DLGAP3: variants seen among roughly 807,000 people sequenced by gnomAD.
DLGAP3 encodes disks large-associated protein 3.
Under a neutral mutation model 81.2 loss-of-function variants are expected in DLGAP3, and 17 were observed. That is an observed-to-expected ratio of 0.21 (90% CI 0.14 to 0.31). DLGAP3 has a LOEUF of 0.31. DLGAP3 is among the 10% of genes least tolerant of loss of function. DLGAP3 has a pLI of 1.00. For missense variants in DLGAP3, 1,124 were observed against 1,388.0 expected, an observed-to-expected ratio of 0.81 and a Z score of 3.02; for synonymous variants, 577 against 587.4, an observed-to-expected ratio of 0.98 and a Z score of 0.26.
intron 1 of DLGAP3, among the ~76,000 whole-genome samples, chr1:34,918,212 C>G (rs906189096): frequency 1.3e-5 from 2 of 152,214 alleles, no homozygotes; most frequent in Non-Finnish European, 2.9e-5. Flanking sequence ...CTTGGGAAGA[C>G]AGCCTGCCAC....
chr1:34,905,321 C>T lies in DLGAP3; in HGVS notation c.63G>A (p.Gln21=), dbSNP rs375760508. 2,150 of 1,563,368 alleles carry T rather than the reference C, an allele frequency of 1.4e-3. 3 individuals are homozygous for T. Among genetic ancestry groups the T allele is most frequent in the Non-Finnish European group, 1.6e-3 (1,846 of 1,153,588 alleles). ...HPRPARFADQ[Q]HMDVGPAARA... ...TGGCAGCAGGGCCCACGTCCATATG[C>T]TGTTGGTCAGCAAAGCGGGCTGGGC... is the stretch of plus-strand genomic sequence containing the variant. The change falls in exon 3 of 12, where the codon CAG becomes CAA. Residue 21 remains glutamine (Q), a synonymous_variant. Transcript: ENST00000373347.
intron 1 of DLGAP3, among the ~76,000 whole-genome samples, chr1:34,923,381 A>C (rs1195635692): frequency 2.0e-5 from 3 of 152,148 alleles, no homozygotes; most frequent in Admixed American, 6.5e-5. Context: ...AAAAATGTAA[A>C]GGTGGTGACC....
intron 1 of DLGAP3, among the ~76,000 whole-genome samples, chr1:34,918,951 T>C (rs549013594): frequency 2.0e-5 from 3 of 152,160 alleles, no homozygotes; most frequent in Non-Finnish European, 4.4e-5. Flanking sequence ...GCCCCTCCCA[T>C]CCTCGTGTCT....
At chr1:34,923,085 C>A (rs892880349) in intron 1 of DLGAP3, among the ~76,000 whole-genome samples, 30 of 152,010 alleles carry the variant, frequency 2.0e-4, no homozygotes, top group Admixed American at 2.6e-4. Context: ...AGACAATCCC[C>A]CCGTATATGC....
At chr1:34,927,157 C>G (rs1274712258) in intron 1 of DLGAP3, among the ~76,000 whole-genome samples, 2 of 152,196 alleles carry the variant, frequency 1.3e-5, no homozygotes, top group African/African-American at 4.8e-5. Flanking sequence ...ATCTGTAGCG[C>G]CCTCTCTTTG....
At chr1:34,880,483 G>A (rs1319597999) in intron 8 of DLGAP3, among the ~76,000 whole-genome samples, 1 of 152,082 alleles carries the variant, frequency 6.6e-6, no homozygotes, top group Non-Finnish European at 1.5e-5. Flanking sequence ...GTAATCCCAG[G>A]ACTTTGGGAG....
chr1:34,872,933 A>C (rs1639001794), intron 8 of DLGAP3, among the ~76,000 whole-genome samples: 1 of 152,256 alleles, frequency 6.6e-6, no homozygotes, highest in Admixed American at 6.5e-5. Flanking sequence ...ATTTGTGATA[A>C]TGTTTCAGCA....
chr1:34,927,106 C>T (rs907872042), intron 1 of DLGAP3, among the ~76,000 whole-genome samples: 65 of 152,172 alleles, frequency 4.3e-4, no homozygotes, highest in Admixed American at 4.6e-4. Context: ...CATGGCCTAC[C>T]TCGGTGGTGG....
chr1:34,890,871 A>G (rs1448408058), intron 5 of DLGAP3, among the ~76,000 whole-genome samples: 2 of 152,256 alleles, frequency 1.3e-5, no homozygotes, highest in Non-Finnish European at 2.9e-5. Flanking sequence ...TAAAGATACT[A>G]CATTTGGGGA....
intron 8 of DLGAP3, among the ~76,000 whole-genome samples, 194 bp from the exon 9 acceptor site, chr1:34,869,283 A>G (rs1251801466): frequency 6.6e-6 from 1 of 152,092 alleles, no homozygotes; most frequent in African/African-American, 2.4e-5. Context: ...CTGCCTCTAG[A>G]TAGGGGTGAT....
Position 34,886,284 on chromosome 1 carries a change from A to G in DLGAP3, c.1388T>C (p.Leu463Pro). ...GYSRSLTTGQ[L>P]SDELNQQLEA... ...CAGCTGCTGGTTCAACTCATCGCTG[A>G]GCTGGGGGGCAGGGGGTCGGGAGGA... Residue 463 changes from leucine (L) to proline (P), a missense_variant and splice_region_variant, in exon 6 of 12, where the codon CTC (leucine) becomes CCC (proline). This residue lies in a region of DLGAP3 where 357 missense variants were observed against 408.8 expected (regional missense o/e 0.87). Coordinates refer to ENST00000373347, the MANE Select transcript of DLGAP3 (RefSeq NM_001080418.3). The G allele has an allele frequency of 1.9e-6, 3 of 1,587,110 alleles. No homozygotes were observed. Among genetic ancestry groups the G allele is most frequent in the Non-Finnish European group, 2.6e-6 (3 of 1,166,052 alleles).
chr1:34,871,850 T>TCAAG (rs977381304), intron 8 of DLGAP3, among the ~76,000 whole-genome samples: 19 of 152,106 alleles, frequency 1.2e-4, no homozygotes, highest in Non-Finnish European at 2.5e-4. Context: ...TGCATGCTTC[T>TCAAG]CAAGCCACTG....
intron 2 of DLGAP3, among the ~76,000 whole-genome samples, chr1:34,906,429 C>T (rs893751266): frequency 6.6e-6 from 1 of 152,126 alleles, no homozygotes; most frequent in Non-Finnish European, 1.5e-5. Flanking sequence ...TATCCAGCAC[C>T]ATCCCACAGA....
chr1:34,896,772 G>T (rs1256071778), intron 5 of DLGAP3, among the ~76,000 whole-genome samples: 1 of 152,196 alleles, frequency 6.6e-6, no homozygotes, highest in East Asian at 1.9e-4. Flanking sequence ...GTGGGATTTG[G>T]TGGGGAGAAG....
intron 1 of DLGAP3, among the ~76,000 whole-genome samples, chr1:34,910,235 T>G (rs962201006): frequency 1.3e-5 from 2 of 152,220 alleles, no homozygotes; most frequent in Non-Finnish European, 2.9e-5. Context: ...TTTAAACCAC[T>G]GTTGGCCAGA....
chr1:34,867,478 G>GCA lies in DLGAP3; in HGVS notation c.2577+56_2577+57dup. 1.9e-5 allele frequency: 28 copies of GCA among 1,456,714 alleles called. No individual in the cohort carries two copies. The highest frequency in any genetic ancestry group is 2.3e-5 in the East Asian group (1 of 44,164). 90.2% of individuals were successfully genotyped at this position (1,456,714 alleles called of 1,614,324 possible). ...GGGTCACCTGCCTGTCTCACCTCCA[G>GCA]CACACACACACTCTGGGTCACATGT... On this transcript the variant is annotated intron_variant, in intron 10 of 11. Coordinates refer to ENST00000373347, the MANE Select transcript of DLGAP3 (RefSeq NM_001080418.3). The surrounding 1 kb of genome is among the most constrained non-coding windows in gnomAD (Gnocchi z 4.3).
rs1353709561 is a variant in DLGAP3, at chr1:34,869,037, G to C, written c.2053C>G (p.Leu685Val). 6.2e-7 allele frequency: 1 copy of C among 1,600,930 alleles called. No individual in the cohort carries two copies. Among genetic ancestry groups the C allele is most frequent in the Admixed American group, 1.7e-5 (1 of 59,844 alleles). Residue 685 changes from leucine (L) to valine (V), a missense_variant, in exon 9 of 12, where the codon CTG becomes GTG. Leu to Val is a conservative substitution (Grantham distance 32, BLOSUM62 1). Transcript: ENST00000373347. ...NSVTAGVQADLELEGLAGLAT... is the reference protein window; with the variant it reads ...NSVTAGVQADVELEGLAGLAT... The stretch of plus-strand genomic sequence containing the variant: ...AGGCCTGCCAGGCCCTCCAGCTCCA[G>C]GTCTGCCTGCACGCCAGCCGTCACA...
At position 34,885,092 on chromosome 1, in the gene DLGAP3, T is replaced by C. The variant is rs201729678; in HGVS notation, c.1915-29A>G. On this transcript the variant is annotated intron_variant, in intron 7 of 11. Coordinates refer to ENST00000373347, the MANE Select transcript of DLGAP3 (RefSeq NM_001080418.3). ...GTGGCAGGGTGGAGGAGTCAGTGGC[T>C]GTGGCGAGCCAAGGTGAAAGCCCTT... The C allele has an allele frequency of 4.1e-5, 66 of 1,596,896 alleles. No individual in the cohort carries two copies. In the African/African-American group the frequency reaches 7.5e-4, roughly 18 times the overall value.
chr1:34,917,503 G>A (rs551797209), intron 1 of DLGAP3, among the ~76,000 whole-genome samples: 9 of 151,830 alleles, frequency 5.9e-5, no homozygotes, highest in South Asian at 2.1e-4. Context: ...ATGTACCACC[G>A]TGCCTGGCTA....
Sources: gnomAD v4.1 joint callset for allele counts (sites outside exome capture counted in the v4.1 genomes callset) on GRCh38, gnomAD v4.1.1 for gene constraint, gnomAD v4.1.1 regional missense constraint, Gnocchi (gnomAD v3.1) non-coding constraint, MANE v1.5 for transcripts, NCBI Gene and HGNC (gene_info 2026-07-23, HGNC 2026-07-21) for gene names.